The following CACNA1I variants were observed in gnomAD, a reference collection of about 807,000 sequenced individuals.
The protein encoded by CACNA1I is calcium voltage-gated channel subunit alpha1 I.
In CACNA1I, 74 loss-of-function variants were observed where a neutral mutation model predicts 201.6. The ratio of observed to expected loss-of-function variants is 0.37; its 90% CI spans 0.30 to 0.45. The LOEUF (loss-of-function observed/expected upper bound fraction) is 0.45. CACNA1I is among the 20% of genes least tolerant of loss of function. The pLI is 1.00. For missense variants in CACNA1I, 2,346 were observed against 3,138.1 expected, an observed-to-expected ratio of 0.75 and a Z score of 6.03; for synonymous variants, 1,431 against 1,345.2, an observed-to-expected ratio of 1.06 and a Z score of -1.40.
chr22:39,679,943 C>T (rs58439755), intron 33 of CACNA1I, 75 bp downstream of exon 33: 48,640 of 1,450,804 alleles, frequency 0.034, 933 homozygotes, highest in South Asian at 0.062. Flanking sequence ...TGTCCGAGGG[C>T]AGAGCCTGGC....
intron 1 of CACNA1I, among the ~76,000 whole-genome samples, chr22:39,576,669 T>C (rs1684150375): frequency 1.3e-5 from 2 of 152,222 alleles, no homozygotes; most frequent in Admixed American, 1.3e-4. Context: ...GGCGCCAGCC[T>C]GCGGGGAGGC....
At chr22:39,590,973 G>A (rs965928548) in intron 1 of CACNA1I, among the ~76,000 whole-genome samples, 5 of 151,838 alleles carry the variant, frequency 3.3e-5, no homozygotes, top group African/African-American at 1.2e-4. Flanking sequence ...AACCTTCTAA[G>A]TAGCAGACTA....
At chr22:39,638,509 C>T (rs1569074639) in intron 5 of CACNA1I, among the ~76,000 whole-genome samples, 1 of 152,186 alleles carries the variant, frequency 6.6e-6, no homozygotes, top group Non-Finnish European at 1.5e-5. Flanking sequence ...TGAATATTAC[C>T]AACCATGAAA....
At chr22:39,583,070 A>C (rs1303298162) in intron 1 of CACNA1I, among the ~76,000 whole-genome samples, 1 of 149,216 alleles carries the variant, frequency 6.7e-6, no homozygotes, top group Admixed American at 6.6e-5. Context: ...CCATCCATCC[A>C]TCCATCCATC....
intron 3 of CACNA1I, among the ~76,000 whole-genome samples, chr22:39,614,847 C>T (rs1933485456): frequency 1.3e-5 from 2 of 152,230 alleles, no homozygotes; most frequent in African/African-American, 2.4e-5. Context: ...AAGACAGCCA[C>T]CTCCTCCTGG....
At chr22:39,634,371 A>G (rs1048968896) in intron 4 of CACNA1I, among the ~76,000 whole-genome samples, 194 bp from the exon 5 acceptor site, 1 of 152,082 alleles carries the variant, frequency 6.6e-6, no homozygotes, top group South Asian at 2.1e-4. Context: ...AGCCATTTCC[A>G]TGGCTTTTTC....
intron 1 of CACNA1I, among the ~76,000 whole-genome samples, chr22:39,575,453 G>T (rs926832066): frequency 6.6e-6 from 1 of 152,146 alleles, no homozygotes; most frequent in African/African-American, 2.4e-5. Flanking sequence ...CCTGAACCCT[G>T]AACAGGGCCC....
At chr22:39,578,584 C>A (rs1381612843) in intron 1 of CACNA1I, among the ~76,000 whole-genome samples, 2 of 151,666 alleles carry the variant, frequency 1.3e-5, no homozygotes, top group East Asian at 1.9e-4. Context: ...CTCCCCTGGG[C>A]TCCCCCTCTC....
At chr22:39,630,587 G>A (rs933673677) in intron 4 of CACNA1I, among the ~76,000 whole-genome samples, 5 of 152,264 alleles carry the variant, frequency 3.3e-5, no homozygotes, top group African/African-American at 1.2e-4. Flanking sequence ...CAGAGCAGCC[G>A]CCTTGGCCTT....
intron 20 of CACNA1I, 86 bp from the exon 21 acceptor site, chr22:39,664,653 C>CA (rs1935127066): frequency 2.5e-5 from 14 of 550,118 alleles, no homozygotes; most frequent in South Asian, 5.7e-5. Context: ...GGCCTCGCCC[C>CA]GCCCCCTTGC....
intron 1 of CACNA1I, among the ~76,000 whole-genome samples, chr22:39,591,096 C>T (rs558420155): frequency 6.6e-6 from 1 of 151,716 alleles, no homozygotes; most frequent in African/African-American, 2.4e-5. Flanking sequence ...AAGTGATCCT[C>T]CTGCCTTGCC....
chr22:39,668,170 GA>G, intron 23 of CACNA1I, 121 bp from the exon 24 acceptor site: 1 of 653,790 alleles, frequency 1.5e-6, no homozygotes. Context: ...CTGCCACACA[GA>G]GAAGACCTCT....
In CACNA1I at chr22:39,685,994, C is replaced by G; in HGVS notation, c.6261C>G (p.His2087Gln). The G allele has an allele frequency of 8.0e-7, 1 of 1,246,420 alleles. No individual in the cohort carries two copies. The highest frequency in any genetic ancestry group is 3.6e-5 in the South Asian group (1 of 27,852). The allele number at this position is 1,246,420 out of a possible 1,614,324, so 77.2% of individuals were successfully genotyped here. A position where few individuals can be genotyped will look rare whatever the true frequency, so the allele number is the denominator to read the frequency against. The change falls in exon 37 of 37, where the codon CAC becomes CAG. Residue 2087 changes from histidine to glutamine, a missense_variant. Physicochemically the swap from His to Gln is conservative, Grantham distance 24. Transcript: ENST00000402142. The surrounding 1 kb of genome is among the most constrained non-coding windows in gnomAD (Gnocchi z 5.0). ...LRGLRAHQRS[H>Q]SSGGSTSPGC... The stretch of plus-strand genomic sequence containing the variant: ...GGCTGCGGGCGCATCAGCGCAGCCA[C>G]AGCAGCGGGGGCTCCACCAGCCCGG...
intron 1 of CACNA1I, among the ~76,000 whole-genome samples, chr22:39,585,546 C>T (rs1228524786): frequency 1.3e-4 from 20 of 150,544 alleles, no homozygotes; most frequent in East Asian, 5.9e-4. Flanking sequence ...TGAGCCACCA[C>T]GCCCAGATAA....
At chr22:39,617,511 G>A (rs1039778450) in intron 3 of CACNA1I, among the ~76,000 whole-genome samples, 1 of 152,126 alleles carries the variant, frequency 6.6e-6, no homozygotes, top group Non-Finnish European at 1.5e-5. Context: ...CTGGAGCTGG[G>A]CCTGGCTGCC....
At chr22:39,601,373 G>T (rs191348329) in intron 3 of CACNA1I, among the ~76,000 whole-genome samples, 7 of 152,244 alleles carry the variant, frequency 4.6e-5, no homozygotes, top group Admixed American at 2.6e-4. Flanking sequence ...GGACCAGGGC[G>T]CTGGGCAAAG....
Position 39,670,901 on chromosome 22 carries a change from A to C in CACNA1I, c.4486A>C (p.Ile1496Leu). Residue 1496 changes from isoleucine to leucine, a missense_variant, in exon 26 of 37, where the codon ATC (isoleucine) becomes CTC (leucine). Ile to Leu is a conservative substitution (Grantham distance 5). Transcript: ENST00000402142. Reference protein sequence around the residue: ...SHYLDIFITFIICLNVVTMSL... With the variant: ...SHYLDIFITFLICLNVVTMSL... Reference sequence around the variant, plus strand: ...CTACCTGGACATCTTCATCACCTTCATCATCTGCCTCAACGTGGTCACCAT... The same window carrying C: ...CTACCTGGACATCTTCATCACCTTCCTCATCTGCCTCAACGTGGTCACCAT... 6.2e-7 allele frequency: 1 copy of C among 1,613,764 alleles called. No homozygotes were observed. Among genetic ancestry groups the C allele is most frequent in the East Asian group, 2.2e-5 (1 of 44,872 alleles).
In CACNA1I at chr22:39,646,825, C is replaced by T. The variant is rs749966608; in HGVS notation, c.1406C>T (p.Pro469Leu). The change falls in exon 8 of 37, where the codon CCG (proline) becomes CTG (leucine). Residue 469 changes from proline to leucine, a missense_variant. Around this residue, in one of 13 missense-constraint regions of CACNA1I, gnomAD observed 312 missense variants for 331.5 expected, o/e 0.94. Transcript: ENST00000402142. ...CAGAGCCGGCGCCAGGCCCTGGGCCCGGAGGCCCCGGCCCCCGCCAAACCT... is the reference window on the plus strand; with the variant it reads ...CAGAGCCGGCGCCAGGCCCTGGGCCTGGAGGCCCCGGCCCCCGCCAAACCT... The part of the protein sequence containing the change: ...ALQSRRQALG[P>L]EAPAPAKPGP... 52 of 1,542,746 alleles carry T rather than the reference C, an allele frequency of 3.4e-5. No homozygotes were observed. Among genetic ancestry groups the T allele is most frequent in the African/African-American group, 6.9e-5 (5 of 72,594 alleles).
intron 14 of CACNA1I, among the ~76,000 whole-genome samples, chr22:39,660,129 G>A (rs1196630096): frequency 1.3e-5 from 2 of 152,178 alleles, no homozygotes; most frequent in African/African-American, 2.4e-5. Flanking sequence ...TCTGGGCCCT[G>A]CTCCCTCCGT....
Sources: allele counts gnomAD v4.1 joint callset (sites outside exome capture counted in the v4.1 genomes callset), GRCh38; gene constraint gnomAD v4.1.1; regional missense constraint gnomAD v4.1.1; non-coding constraint Gnocchi (gnomAD v3.1); transcripts MANE v1.5; gene names NCBI Gene and HGNC (gene_info 2026-07-23, HGNC 2026-07-21).